Variants in FHOD3 observed in about 807,000 individuals in gnomAD.
FHOD3 encodes the protein FH1/FH2 domain-containing protein 3.
Under a neutral mutation model 173.0 loss-of-function variants are expected in FHOD3, and 90 were observed. The ratio of observed to expected loss-of-function variants is 0.52; its 90% CI spans 0.44 to 0.62. The LOEUF is 0.62. FHOD3 is among the 20% of genes least tolerant of loss of function. The pLI is 0.00. For synonymous variants in FHOD3, 828 were observed against 823.0 expected (o/e 1.01, Z -0.10); for missense variants, 1,945 against 2,034.7 (o/e 0.96, Z 0.85).
intron 9 of FHOD3, among the ~76,000 whole-genome samples, chr18:36,613,846 A>G (rs2032936865): frequency 6.6e-6 from 1 of 151,856 alleles, no homozygotes; most frequent in Non-Finnish European, 1.5e-5. Flanking sequence ...GCTAATTTTT[A>G]TATTTTAGTA....
intron 8 of FHOD3, among the ~76,000 whole-genome samples, chr18:36,605,793 G>A (rs540958473): frequency 6.6e-6 from 1 of 152,114 alleles, no homozygotes; most frequent in African/African-American, 2.4e-5. Context: ...ATGTTAATCT[G>A]GGTCTGGAAA....
intron 5 of FHOD3, among the ~76,000 whole-genome samples, chr18:36,521,342 C>A (rs527739921): frequency 3.3e-5 from 5 of 152,272 alleles, no homozygotes; most frequent in African/African-American, 1.2e-4. Context: ...TCTCCATCTC[C>A]ATTGCACCAG....
chr18:36,632,606 T>A (rs2034593970), intron 10 of FHOD3, among the ~76,000 whole-genome samples: 1 of 152,172 alleles, frequency 6.6e-6, no homozygotes, highest in Non-Finnish European at 1.5e-5. Context: ...AATTCGTGAG[T>A]CCCGTCCCGT....
rs558889520 is a variant in FHOD3, at chr18:36,671,827, C to G, written c.1836-9609C>G. Among the ~76,000 whole-genome samples the G allele has an allele frequency of 1.6e-3, 236 of 152,254 alleles. 1 individual carries two copies. Among genetic ancestry groups the G allele is most frequent in the Non-Finnish European group, 2.4e-3 (162 of 68,012 alleles). On this transcript the variant is annotated intron_variant, in intron 14 of 28. Transcript: ENST00000590592. ...CGACAGGGACTGCTTCTGATGTGTT[C>G]CCAAAGGCAACAAGGGAGTAAGCCG... is the stretch of plus-strand genomic sequence containing the variant.
intron 5 of FHOD3, among the ~76,000 whole-genome samples, chr18:36,528,242 A>G (rs1049504630): frequency 6.6e-6 from 1 of 152,204 alleles, no homozygotes; most frequent in Non-Finnish European, 1.5e-5. Context: ...GGAAAGCCCC[A>G]CAAGATAAGA....
At chr18:36,752,599 C>T (rs182830364) in intron 24 of FHOD3, among the ~76,000 whole-genome samples, 10 of 152,286 alleles carry the variant, frequency 6.6e-5, no homozygotes, top group Non-Finnish European at 1.3e-4. Context: ...TTTTGTTCTT[C>T]TGAAGGAATA....
chr18:36,368,005 G>T (rs2046983229), intron 2 of FHOD3, among the ~76,000 whole-genome samples: 1 of 151,702 alleles, frequency 6.6e-6, no homozygotes, highest in Non-Finnish European at 1.5e-5. Context: ...AGCCTCCCCA[G>T]CCATGTGGAA....
At position 36,298,010 on chromosome 18, in the gene FHOD3, G is replaced by A; in HGVS notation, c.165+10G>A. 1.3e-6 allele frequency: 2 copies of A among 1,526,314 alleles called. No homozygotes were observed. The highest frequency in any genetic ancestry group is 1.8e-6 in the Non-Finnish European group (2 of 1,137,782). 94.5% of individuals were successfully genotyped at this position (1,526,314 alleles called of 1,614,324 possible). ...GCAGGCGCCGCACAAGGTACGACCC[G>A]GCGGGGTGGGCTGGGCCCCCTGGAC... On this transcript the variant is annotated intron_variant, in intron 1 of 28. Coordinates refer to ENST00000590592, the MANE Select transcript of FHOD3 (RefSeq NM_001281740.3).
intron 25 of FHOD3, among the ~76,000 whole-genome samples, chr18:36,758,802 C>T (rs189745762): frequency 3.3e-5 from 5 of 152,316 alleles, no homozygotes; most frequent in Admixed American, 6.5e-5. Context: ...TGCACAGCTG[C>T]GAGTGACGTT....
At chr18:36,338,905 T>A (rs1240208715) in intron 1 of FHOD3, among the ~76,000 whole-genome samples, 2 of 152,104 alleles carry the variant, frequency 1.3e-5, no homozygotes, top group Non-Finnish European at 2.9e-5. Flanking sequence ...TGGATAAATG[T>A]GACAAAGTAG....
At chr18:36,472,119 C>T (rs1203383289) in intron 3 of FHOD3, among the ~76,000 whole-genome samples, 1 of 152,124 alleles carries the variant, frequency 6.6e-6, no homozygotes, top group Non-Finnish European at 1.5e-5. Context: ...ATAGTGCATA[C>T]TTTGCTGTAA....
chr18:36,678,441 G>A (rs554652141), intron 14 of FHOD3, among the ~76,000 whole-genome samples: 2 of 149,248 alleles, frequency 1.3e-5, no homozygotes, highest in Admixed American at 1.3e-4. Context: ...GGAGGCTGAG[G>A]TGGGAGAATC....
At chr18:36,398,612 A>G (rs2048662861) in intron 3 of FHOD3, among the ~76,000 whole-genome samples, 1 of 152,226 alleles carries the variant, frequency 6.6e-6, no homozygotes, top group Non-Finnish European at 1.5e-5. Flanking sequence ...AGGGCATATC[A>G]GGAACAAGCC....
intron 7 of FHOD3, among the ~76,000 whole-genome samples, chr18:36,598,510 A>G (rs1461373280): frequency 6.6e-6 from 1 of 152,190 alleles, no homozygotes; most frequent in Non-Finnish European, 1.5e-5. Flanking sequence ...GTTAAAGTCC[A>G]GCGTAAGGAG....
chr18:36,635,225 A>G (rs968683561), intron 10 of FHOD3, among the ~76,000 whole-genome samples: 15 of 152,214 alleles, frequency 9.9e-5, no homozygotes, highest in African/African-American at 3.6e-4. Context: ...TGCTCCTGGT[A>G]TCTGGGGCGG....
In FHOD3 at chr18:36,653,393, C is replaced by T. The variant is rs139122756; in HGVS notation, c.1698C>T (p.His566=). 3.6e-5 allele frequency: 56 copies of T among 1,534,452 alleles called. No individual in the cohort carries two copies. In the South Asian group the frequency reaches 5.5e-4, roughly 15 times the overall value. ...LSTYSASEPY[H]FRSFSSNRYS... Reference sequence around the variant, plus strand: ...CATATTCTGCCTCTGAGCCTTACCACTTCCGATCTTTCTCTTCTAATAGGT... The same window carrying T: ...CATATTCTGCCTCTGAGCCTTACCATTTCCGATCTTTCTCTTCTAATAGGT... The change falls in exon 13 of 29, where the codon CAC becomes CAT. Residue 566 remains histidine, a synonymous_variant. Transcript: ENST00000590592.
At chr18:36,635,166 T>C (rs959254638) in intron 10 of FHOD3, among the ~76,000 whole-genome samples, 7 of 152,228 alleles carry the variant, frequency 4.6e-5, no homozygotes, top group South Asian at 2.1e-4. Flanking sequence ...AGGAACTGTA[T>C]TGAATAAAGG....
intron 1 of FHOD3, among the ~76,000 whole-genome samples, chr18:36,350,968 G>T (rs1255054237): frequency 6.6e-6 from 1 of 152,050 alleles, no homozygotes; most frequent in East Asian, 1.9e-4. Flanking sequence ...TCAACATATT[G>T]GTCCAGCCAA....
At chr18:36,435,491 G>A (rs1335474356) in intron 3 of FHOD3, among the ~76,000 whole-genome samples, 2 of 152,080 alleles carry the variant, frequency 1.3e-5, no homozygotes, top group Admixed American at 1.3e-4. Context: ...GTAACAGTTT[G>A]GTTTGCTAAG....
Sources: gnomAD v4.1 joint callset for allele counts (sites outside exome capture counted in the v4.1 genomes callset) on GRCh38, gnomAD v4.1.1 for gene constraint, MANE v1.5 for transcripts, NCBI Gene and HGNC (gene_info 2026-07-23, HGNC 2026-07-21) for gene names.